Variants in PSMB7 observed in about 807,000 individuals in gnomAD.
PSMB7 encodes proteasome 20S subunit beta 7.
PSMB7 carries 5 observed loss-of-function variants against 28.1 expected under a neutral mutation model. The observed-to-expected ratio is 0.18, with a 90% CI of 0.09 to 0.37. The LOEUF (loss-of-function observed/expected upper bound fraction) is 0.37. Among genes scored for constraint, PSMB7 ranks in the 10% least tolerant of loss-of-function variants. PSMB7 has a pLI of 1.00. For synonymous variants in PSMB7, 122 were observed against 123.7 expected (o/e 0.99, Z 0.09); for missense variants, 275 against 346.2 (o/e 0.79, Z 1.63).
In PSMB7 at chr9:124,353,469, C is replaced by G; in HGVS notation, c.*129G>C. The G allele has an allele frequency of 1.4e-6, 1 of 706,926 alleles. No homozygotes were observed. The allele number at this position is 706,926 out of a possible 1,614,324, so 43.8% of individuals were successfully genotyped here. A position where few individuals can be genotyped will look rare whatever the true frequency, so the allele number is the denominator to read the frequency against. ...ACACCACACAGTGCCCAGACCTCAG[C>G]TGCCCAATTTGGTTTTTGTTTTTTA... is the stretch of plus-strand genomic sequence containing the variant. On this transcript the variant is annotated 3_prime_UTR_variant, in exon 8 of 8. Coordinates refer to ENST00000259457, the MANE Select transcript of PSMB7 (RefSeq NM_002799.4).
chr9:124,393,260 A>G (rs1830808597), intron 5 of PSMB7, among the ~76,000 whole-genome samples: 1 of 152,186 alleles, frequency 6.6e-6, no homozygotes, highest in African/African-American at 2.4e-5. Context: ...GTTTAATTGT[A>G]TGCATGCATT....
chr9:124,379,590 T>C (rs1830645126), intron 6 of PSMB7, among the ~76,000 whole-genome samples: 1 of 152,242 alleles, frequency 6.6e-6, no homozygotes, highest in Non-Finnish European at 1.5e-5. Context: ...AGGCAAGTCA[T>C]AGCTCAGATA....
intron 5 of PSMB7, among the ~76,000 whole-genome samples, chr9:124,400,340 A>G (rs781722161): frequency 2.0e-5 from 3 of 152,230 alleles, no homozygotes; most frequent in Non-Finnish European, 4.4e-5. Context: ...GCGTCCTTGT[A>G]TTCTCTAGTG....
chr9:124,359,827 CCTT>C (rs1246729868), intron 6 of PSMB7, among the ~76,000 whole-genome samples: 1 of 152,140 alleles, frequency 6.6e-6, no homozygotes, highest in East Asian at 1.9e-4. Flanking sequence ...ACTTCAAGGG[CCTT>C]CTTCATTCTC....
intron 6 of PSMB7, among the ~76,000 whole-genome samples, chr9:124,382,183 GTCTC>G (rs1204790738): frequency 6.0e-4 from 80 of 133,040 alleles, no homozygotes; most frequent in African/African-American, 1.8e-3. Flanking sequence ...GTGAGACTCT[GTCTC>G]TCTCTCTTTT....
chr9:124,369,907 C>T (rs973384393), intron 6 of PSMB7, among the ~76,000 whole-genome samples: 8 of 152,252 alleles, frequency 5.3e-5, no homozygotes, highest in Non-Finnish European at 7.4e-5. Flanking sequence ...GTATGGGTAC[C>T]GTTCTCGACT....
Position 124,362,788 on chromosome 9 carries a change from A to G in PSMB7, c.571-5873T>C, listed in dbSNP as rs116358478. ...ATTAGCTTGACTTTGCCATTCCACA[A>G]TGTACACAAATTTCAAAACATCATT... On this transcript the variant is annotated intron_variant, in intron 6 of 7. Transcript: ENST00000259457. Among the ~76,000 whole-genome samples, 271 of 152,304 alleles carry G rather than the reference A, an allele frequency of 1.8e-3. 1 individual carries two copies. The highest frequency in any genetic ancestry group is 6.4e-3 in the African/African-American group (265 of 41,588).
At chr9:124,398,048 C>T (rs1481212605) in intron 5 of PSMB7, among the ~76,000 whole-genome samples, 1 of 151,960 alleles carries the variant, frequency 6.6e-6, no homozygotes, top group African/African-American at 2.4e-5. Context: ...TATAGGCACA[C>T]GCCTGTAATC....
intron 5 of PSMB7, among the ~76,000 whole-genome samples, chr9:124,399,490 G>C (rs1041674341): frequency 3.3e-5 from 5 of 152,208 alleles, no homozygotes; most frequent in African/African-American, 1.2e-4. Flanking sequence ...ATGTGTTTCT[G>C]AAAGGAGGCA....
chr9:124,385,687 A>T (rs1025503624), intron 5 of PSMB7, among the ~76,000 whole-genome samples: 1 of 152,246 alleles, frequency 6.6e-6, no homozygotes, highest in Non-Finnish European at 1.5e-5. Flanking sequence ...TTTTCTATTT[A>T]AAATGATTTG....
chr9:124,402,926 CAACA>C (rs1830926730), intron 5 of PSMB7, among the ~76,000 whole-genome samples: 1 of 152,056 alleles, frequency 6.6e-6, no homozygotes, highest in Non-Finnish European at 1.5e-5. Context: ...TCATTCTCCC[CAACA>C]AACAGTGAAC....
chr9:124,415,329 T>TC, intron 1 of PSMB7, 35 bp downstream of exon 1: 1 of 1,606,174 alleles, frequency 6.2e-7, no homozygotes, highest in Non-Finnish European at 8.5e-7. Flanking sequence ...CGCACTCTTC[T>TC]CCCTCCCTGA....
At chr9:124,384,690 A>G (rs2131162161) in intron 5 of PSMB7, 34 bp from the exon 6 acceptor site, 2 of 1,601,890 alleles carry the variant, frequency 1.2e-6, no homozygotes, top group Middle Eastern at 3.3e-4. Flanking sequence ...AGTGTATTTT[A>G]TGATATCCCA....
At position 124,353,778 on chromosome 9, in the gene PSMB7, AAAAT is replaced by A. The variant is rs1171407202; in HGVS notation, c.723-73_723-70del. ...AGGTGCCAGAGGGCAGAAGACAGTG[AAAAT>A]AAATATTCAGGCAACGCAGTGAGCA... On this transcript the variant is annotated intron_variant, in intron 7 of 7. Transcript: ENST00000259457. 3.6e-5 allele frequency: 42 copies of A among 1,178,260 alleles called. No individual in the cohort carries two copies. In the Admixed American group the frequency reaches 6.7e-4, roughly 19 times the overall value. The allele number at this position is 1,178,260 out of a possible 1,614,324, so 73.0% of individuals were successfully genotyped here. A position where few individuals can be genotyped will look rare whatever the true frequency, so the allele number is the denominator to read the frequency against.
chr9:124,401,736 T>G (rs919591162), intron 5 of PSMB7, among the ~76,000 whole-genome samples: 1 of 152,170 alleles, frequency 6.6e-6, no homozygotes, highest in Non-Finnish European at 1.5e-5. Context: ...AAAGAGCTGA[T>G]GAGGCCGGGT....
intron 4 of PSMB7, among the ~76,000 whole-genome samples, chr9:124,406,785 G>C (rs1360944301): frequency 1.3e-5 from 2 of 152,012 alleles, no homozygotes; most frequent in African/African-American, 4.8e-5. Context: ...GCACATATTT[G>C]TTCCTTTGGA....
intron 6 of PSMB7, among the ~76,000 whole-genome samples, chr9:124,382,079 T>C (rs1830672459): frequency 6.6e-6 from 1 of 150,896 alleles, no homozygotes; most frequent in Admixed American, 6.6e-5. Flanking sequence ...GGCAGCATGG[T>C]GAAACCCAGT....
In PSMB7 at chr9:124,380,132, G is replaced by A. The variant is rs114339329; in HGVS notation, c.570+4466C>T. ...TGGGCACCAGTGGTAAGGAGTCCAC[G>A]GCGAGCCAGTGCACGCTATATTCAA... On this transcript the variant is annotated intron_variant, in intron 6 of 7. Transcript: ENST00000259457. Among the ~76,000 whole-genome samples, 1,104 of 152,330 alleles carry A rather than the reference G, an allele frequency of 7.2e-3. 14 individuals carry two copies. The highest frequency in any genetic ancestry group is 0.025 in the African/African-American group (1,046 of 41,568).
At chr9:124,392,051 C>A (rs1157033357) in intron 5 of PSMB7, among the ~76,000 whole-genome samples, 1 of 152,344 alleles carries the variant, frequency 6.6e-6, no homozygotes, top group African/African-American at 2.4e-5. Context: ...GGAAAACATT[C>A]ATTGACGGTC....
Sources: gnomAD v4.1 joint callset for allele counts (sites outside exome capture counted in the v4.1 genomes callset) on GRCh38, gnomAD v4.1.1 for gene constraint, MANE v1.5 for transcripts, NCBI Gene and HGNC (gene_info 2026-07-23, HGNC 2026-07-21) for gene names.